Variants in CFAP299 observed in about 807,000 individuals in gnomAD.
CFAP299 encodes the protein cilia and flagella associated protein 299, also known as cilia- and flagella-associated protein 299.
In CFAP299, 21 loss-of-function variants were observed where a neutral mutation model predicts 27.0. The observed-to-expected ratio is 0.78, with a 90% CI of 0.55 to 1.12. The LOEUF is 1.12. CFAP299 is among the 50% of genes most tolerant of loss of function. The pLI is 0.00. For synonymous variants in CFAP299, 104 were observed against 98.1 expected, an observed-to-expected ratio of 1.06 and a Z score of -0.36; for missense variants, 310 against 276.6, an observed-to-expected ratio of 1.12 and a Z score of -0.86.
rs528320726 is a variant in CFAP299 at position 80,623,076 on chromosome 4, A to G, written c.333+39893A>G. On this transcript the variant is annotated intron_variant, in intron 3 of 5. Transcript: ENST00000358105. ...GGGTTAGTGACTGACCGATCTCATC[A>G]GGAAGGGAATATTTTATGCTTCTGT... Among the ~76,000 whole-genome samples the G allele has an allele frequency of 3.8e-4, 58 of 152,202 alleles. 1 individual carries two copies. The South Asian group carries it at 5.6e-3, about 15-fold the overall frequency.
upstream of CFAP299, among the ~76,000 whole-genome samples, chr4:80,332,453 G>A (rs1180766753): frequency 6.6e-6 from 1 of 152,082 alleles, no homozygotes; most frequent in African/African-American, 2.4e-5. Context: ...GAGAAACCCT[G>A]GGAAGACAGA....
At chr4:80,772,821 A>C (rs986923130) in intron 3 of CFAP299, among the ~76,000 whole-genome samples, 1 of 152,108 alleles carries the variant, frequency 6.6e-6, no homozygotes, top group Non-Finnish European at 1.5e-5. Context: ...GCGTTTGGGA[A>C]CCAAAAATAC....
chr4:80,339,547 T>A (rs1722337503), intron 1 of CFAP299, among the ~76,000 whole-genome samples: 1 of 152,196 alleles, frequency 6.6e-6, no homozygotes, highest in African/African-American at 2.4e-5. Context: ...CTCAGAAGAA[T>A]AAAAGAAGCA....
intron 3 of CFAP299, among the ~76,000 whole-genome samples, chr4:80,696,194 G>A (rs578188693): frequency 1.6e-4 from 25 of 151,652 alleles, no homozygotes; most frequent in African/African-American, 5.1e-4. Flanking sequence ...CCAGCTACTC[G>A]GGAGGCTGAG....
intron 4 of CFAP299, among the ~76,000 whole-genome samples, chr4:80,899,758 G>A (rs1186067826): frequency 1.3e-5 from 2 of 152,148 alleles, no homozygotes; most frequent in East Asian, 3.8e-4. Flanking sequence ...TCAAATCCTG[G>A]CTCTGCTTCA....
At position 80,724,846 on chromosome 4, in the gene CFAP299, A is replaced by ATTCC. The variant is rs1185496085; in HGVS notation, c.333+141674_333+141677dup. ...TTCTTTCTTTTTCTTTATTTCCTTCATTCCTTCCTTCCTTTCCTTCCTTCT... is the reference window on the plus strand; with the variant it reads ...TTCTTTCTTTTTCTTTATTTCCTTCATTCCTTCCTTCCTTCCTTTCCTTCCTTCT... On this transcript the variant is annotated intron_variant, in intron 3 of 5. Transcript: ENST00000358105. Among the ~76,000 whole-genome samples the ATTCC allele has an allele frequency of 3.1e-3, 382 of 123,500 alleles. 3 individuals carry two copies. Among genetic ancestry groups the ATTCC allele is most frequent in the African/African-American group, 0.011 (366 of 33,168 alleles). The allele number at this position is 123,500 out of a possible 152,430, so 81.0% of individuals were successfully genotyped here.
chr4:80,844,980 C>T (rs1299538388), intron 3 of CFAP299, among the ~76,000 whole-genome samples: 1 of 152,148 alleles, frequency 6.6e-6, no homozygotes, highest in African/African-American at 2.4e-5. Flanking sequence ...TATGGCTAGC[C>T]AGTTTTCCCA....
chr4:80,654,354 G>A (rs922482424), intron 3 of CFAP299, among the ~76,000 whole-genome samples: 2 of 152,096 alleles, frequency 1.3e-5, no homozygotes, highest in Non-Finnish European at 2.9e-5. Context: ...GGAATTTTCT[G>A]TAAACTCTGT....
intron 1 of CFAP299, among the ~76,000 whole-genome samples, chr4:80,338,409 A>G (rs1352057866): frequency 1.3e-5 from 2 of 152,182 alleles, no homozygotes; most frequent in East Asian, 1.9e-4. Flanking sequence ...AATGAAACAA[A>G]TTGTAAACTG....
At chr4:80,504,504 T>TATATATAC (rs1731913123) in intron 2 of CFAP299, among the ~76,000 whole-genome samples, 1 of 130,176 alleles carries the variant, frequency 7.7e-6, no homozygotes, top group Non-Finnish European at 1.7e-5. Context: ...TATATATATA[T>TATATATAC]ATTTTCCTTT....
At chr4:80,544,678 T>C (rs1478651713) in intron 2 of CFAP299, among the ~76,000 whole-genome samples, 1 of 152,278 alleles carries the variant, frequency 6.6e-6, no homozygotes, top group East Asian at 1.9e-4. Flanking sequence ...ATCCTAAATA[T>C]ATATGCACCC....
chr4:80,545,725 C>A (rs542150025), intron 2 of CFAP299, among the ~76,000 whole-genome samples: 2 of 152,296 alleles, frequency 1.3e-5, no homozygotes, highest in South Asian at 4.1e-4. Context: ...GGAGGAGGGA[C>A]TCCTCTCTAA....
At chr4:80,779,696 G>T (rs896996813) in intron 3 of CFAP299, among the ~76,000 whole-genome samples, 1 of 151,710 alleles carries the variant, frequency 6.6e-6, no homozygotes, top group Non-Finnish European at 1.5e-5. Flanking sequence ...CCATTGGCAG[G>T]TATTCTCCTC....
At chr4:80,357,151 C>T (rs1027175361) in intron 1 of CFAP299, among the ~76,000 whole-genome samples, 3 of 152,070 alleles carry the variant, frequency 2.0e-5, no homozygotes, top group African/African-American at 7.2e-5. Context: ...TATTGATTTA[C>T]ATATGTTGAA....
intron 2 of CFAP299, among the ~76,000 whole-genome samples, chr4:80,476,277 A>G (rs1730269165): frequency 6.6e-6 from 1 of 152,184 alleles, no homozygotes; most frequent in South Asian, 2.1e-4. Flanking sequence ...AACTGACTCT[A>G]GACAGATTAA....
At chr4:80,937,298 C>CTTTTTTTTTTTTT (rs1203322592) in intron 4 of CFAP299, among the ~76,000 whole-genome samples, 10 of 94,354 alleles carry the variant, frequency 1.1e-4, no homozygotes, top group South Asian at 3.7e-4. Context: ...TTTCTTTTTT[C>CTTTTTTTTTTTTT]TTTTTTTTTC....
chr4:80,614,591 G>A (rs1191982732), intron 3 of CFAP299, among the ~76,000 whole-genome samples: 1 of 152,166 alleles, frequency 6.6e-6, no homozygotes, highest in East Asian at 1.9e-4. Flanking sequence ...AAAAGGTTGG[G>A]AGCAAAGTTA....
chr4:80,545,792 A>G (rs1319568247), intron 2 of CFAP299, among the ~76,000 whole-genome samples: 1 of 152,204 alleles, frequency 6.6e-6, no homozygotes, highest in African/African-American at 2.4e-5. Flanking sequence ...GACACAATGA[A>G]AAAGAGAAAA....
chr4:80,386,517 G>GC, intron 2 of CFAP299: 5 of 1,489,390 alleles, frequency 3.4e-6, no homozygotes, highest in South Asian at 2.4e-5. Context: ...GGTGGTGGGG[G>GC]GGGGGGGTGC....
Sources: gnomAD v4.1 joint callset for allele counts (sites outside exome capture counted in the v4.1 genomes callset) on GRCh38, gnomAD v4.1.1 for gene constraint, MANE v1.5 for transcripts, NCBI Gene and HGNC (gene_info 2026-07-23, HGNC 2026-07-21) for gene names.